Variants in DAAM2 observed in about 807,000 individuals in gnomAD.
DAAM2 encodes disheveled-associated activator of morphogenesis 2.
A neutral mutation model predicts 120.7 loss-of-function variants in DAAM2; 39 were observed. That is an observed-to-expected ratio of 0.32 (90% CI 0.25 to 0.42). The LOEUF (loss-of-function observed/expected upper bound fraction) is 0.42. DAAM2 is among the 10% of genes least tolerant of loss of function. The probability of loss-of-function intolerance (pLI) is 1.00; values close to 1 mark genes in which losing one functional copy is unlikely to be tolerated. For synonymous variants in DAAM2, 488 were observed against 524.9 expected, an observed-to-expected ratio of 0.93 and a Z score of 0.96; for missense variants, 1,283 against 1,401.7, an observed-to-expected ratio of 0.92 and a Z score of 1.35.
chr6:39,890,722 T>C (rs1021953314), intron 17 of DAAM2, among the ~76,000 whole-genome samples: 1 of 152,198 alleles, frequency 6.6e-6, no homozygotes, highest in Non-Finnish European at 1.5e-5. Context: ...AATGGGTGCA[T>C]TTTATTTTAT....
Position 39,904,038 on chromosome 6 carries a change from C to A in DAAM2, c.*2001C>A. 1 of 371,680 alleles carries A rather than the reference C, an allele frequency of 2.7e-6. No individual in the cohort carries two copies. The highest frequency in any genetic ancestry group is 3.6e-5 in the Admixed American group (1 of 27,892). 23.0% of individuals were successfully genotyped at this position (371,680 alleles called of 1,614,324 possible). On this transcript the variant is annotated 3_prime_UTR_variant, in exon 25 of 25. Transcript: ENST00000274867. ...AGGCCTCTAAAGGTCCTCTCCCAAACTGACCAGGCTGATGTCAACCTAACC... is the reference window on the plus strand; with the variant it reads ...AGGCCTCTAAAGGTCCTCTCCCAAAATGACCAGGCTGATGTCAACCTAACC...
intron 1 of DAAM2, chr6:39,820,730 A>G (rs1762461992): frequency 6.6e-6 from 1 of 152,218 alleles, no homozygotes; most frequent in African/African-American, 2.4e-5. Flanking sequence ...ATTTTTTCAC[A>G]TATTACCTGT....
intron 1 of DAAM2, among the ~76,000 whole-genome samples, chr6:39,796,294 C>T (rs1761696756): frequency 6.6e-6 from 1 of 152,098 alleles, no homozygotes; most frequent in East Asian, 1.9e-4. Context: ...TTGTTTTGTT[C>T]AAGCTCTCTC....
intron 3 of DAAM2, 118 bp from the exon 4 acceptor site, chr6:39,864,315 A>T: frequency 1.4e-6 from 1 of 725,560 alleles, no homozygotes; most frequent in Non-Finnish European, 2.3e-6. Context: ...CCTCCAACCC[A>T]CCCGACATGG....
intron 5 of DAAM2, among the ~76,000 whole-genome samples, chr6:39,866,211 T>TA (rs1333344340): frequency 6.6e-6 from 1 of 152,110 alleles, no homozygotes; most frequent in East Asian, 1.9e-4. Context: ...AAGGATGAGG[T>TA]AGTCAGGAAA....
chr6:39,835,570 G>C (rs924955958), intron 1 of DAAM2, among the ~76,000 whole-genome samples: 1 of 152,220 alleles, frequency 6.6e-6, no homozygotes, highest in Non-Finnish European at 1.5e-5. Flanking sequence ...CACAGAGTTG[G>C]TGCTCAGAGA....
chr6:39,878,582 A>G lies in DAAM2; in HGVS notation c.1539A>G (p.Glu513=). 2 of 1,603,138 alleles carry G rather than the reference A, an allele frequency of 1.2e-6. No individual in the cohort carries two copies. The highest frequency in any genetic ancestry group is 1.7e-6 in the Non-Finnish European group (2 of 1,175,302). ...QVAELVAQLS[E]LSTGPVSSPP... ...CAGAGCTGGTAGCCCAGCTCAGTGAACTCTCAGTATGCAAGCATCTCCCCC... is the reference window on the plus strand; with the variant it reads ...CAGAGCTGGTAGCCCAGCTCAGTGAGCTCTCAGTATGCAAGCATCTCCCCC... The change falls in exon 13 of 25, where the codon GAA becomes GAG. Residue 513 remains glutamate (E), a synonymous_variant. Transcript: ENST00000274867. The surrounding 1 kb of genome is among the most constrained non-coding windows in gnomAD (Gnocchi z 5.0).
intron 1 of DAAM2, among the ~76,000 whole-genome samples, chr6:39,799,498 G>T (rs1204026104): frequency 2.0e-5 from 3 of 152,182 alleles, no homozygotes; most frequent in East Asian, 1.9e-4. Context: ...GATATATATT[G>T]TGTGTGGAAT....
intron 21 of DAAM2, 124 bp downstream of exon 21, chr6:39,897,406 G>A: frequency 1.6e-6 from 1 of 638,592 alleles, no homozygotes; most frequent in East Asian, 2.7e-5. Flanking sequence ...CTTGTCTTCT[G>A]AGTTCAAAAG....
intron 1 of DAAM2, among the ~76,000 whole-genome samples, chr6:39,803,546 A>G (rs1005490629): frequency 6.6e-6 from 1 of 152,210 alleles, no homozygotes; most frequent in African/African-American, 2.4e-5. Context: ...CTTTTCACAG[A>G]TGAGGAGACT....
chr6:39,881,151 A>G (rs1765098559), intron 14 of DAAM2, among the ~76,000 whole-genome samples: 1 of 152,248 alleles, frequency 6.6e-6, no homozygotes, highest in African/African-American at 2.4e-5. Context: ...CTGTGTGCTC[A>G]GGAGTTTCTC....
At chr6:39,843,908 T>G (rs1427142087) in intron 1 of DAAM2, among the ~76,000 whole-genome samples, 1 of 152,152 alleles carries the variant, frequency 6.6e-6, no homozygotes, top group Non-Finnish European at 1.5e-5. Context: ...ACAGTGATGC[T>G]GCCATTTACG....
intron 1 of DAAM2, among the ~76,000 whole-genome samples, chr6:39,815,651 T>TACAAACACACACAC (rs1554167240): frequency 2.7e-5 from 4 of 148,968 alleles, no homozygotes; most frequent in Non-Finnish European, 5.9e-5. Flanking sequence ...ACCCCTGGTT[T>TACAAACACACACAC]ACACACACAC....
chr6:39,856,543 G>T (rs1250179946), intron 2 of DAAM2, 73 bp downstream of exon 2: 1 of 1,221,318 alleles, frequency 8.2e-7, no homozygotes, highest in African/African-American at 1.6e-5. Context: ...TGGACAGAGG[G>T]CAGGGCCCCT....
At chr6:39,830,049 G>C (rs1485060550) in intron 1 of DAAM2, among the ~76,000 whole-genome samples, 1 of 151,974 alleles carries the variant, frequency 6.6e-6, no homozygotes, top group Non-Finnish European at 1.5e-5. Context: ...ACCCCGGCCT[G>C]CTCACATTTG....
intron 22 of DAAM2, 85 bp from the exon 23 acceptor site, chr6:39,899,992 G>A: frequency 1.4e-6 from 2 of 1,440,424 alleles, no homozygotes; most frequent in South Asian, 1.3e-5. Context: ...AATGTCCTGT[G>A]AGTGACGAGG....
chr6:39,807,485 T>G (rs766139497), intron 1 of DAAM2, among the ~76,000 whole-genome samples: 1 of 152,176 alleles, frequency 6.6e-6, no homozygotes, highest in Non-Finnish European at 1.5e-5. Flanking sequence ...ATCTGTAATA[T>G]TTTATTTCTT....
chr6:39,837,474 C>T (rs777260456), intron 1 of DAAM2, among the ~76,000 whole-genome samples: 4 of 151,948 alleles, frequency 2.6e-5, no homozygotes, highest in Non-Finnish European at 4.4e-5. Context: ...AAAGTGCTGA[C>T]CAATATGATG....
chr6:39,801,853 A>C lies in DAAM2; in HGVS notation c.-57+9388A>C, dbSNP rs12199885. Among the ~76,000 whole-genome samples the C allele has an allele frequency of 7.8e-3, 1,185 of 152,296 alleles. 12 individuals carry two copies. The highest frequency in any genetic ancestry group is 0.029 in the South Asian group (140 of 4,822). Reference sequence around the variant, plus strand: ...TTCCTTGTTTCCTCCCAGACACCAAAGCCCCCTGCCTCCAAGTTCCCTTGA... The same window carrying C: ...TTCCTTGTTTCCTCCCAGACACCAACGCCCCCTGCCTCCAAGTTCCCTTGA... On this transcript the variant is annotated intron_variant, in intron 1 of 24. Coordinates refer to ENST00000274867, the MANE Select transcript of DAAM2 (RefSeq NM_001201427.2).
Sources: allele counts gnomAD v4.1 joint callset (sites outside exome capture counted in the v4.1 genomes callset), GRCh38; gene constraint gnomAD v4.1.1; non-coding constraint Gnocchi (gnomAD v3.1); transcripts MANE v1.5; gene names NCBI Gene and HGNC (gene_info 2026-07-23, HGNC 2026-07-21).